The following MLIP variants were observed in gnomAD, a reference collection of about 807,000 sequenced individuals.
The protein encoded by MLIP is muscular LMNA-interacting protein.
In MLIP, 79 loss-of-function variants were observed where a neutral mutation model predicts 84.8. The ratio of observed to expected loss-of-function variants is 0.93; its 90% CI spans 0.78 to 1.12. The LOEUF is 1.12. MLIP is among the 50% of genes most tolerant of loss of function. The probability of loss-of-function intolerance (pLI) is 0.00; values close to 1 mark genes in which losing one functional copy is unlikely to be tolerated. For missense variants in MLIP, 1,257 were observed against 1,160.6 expected, an observed-to-expected ratio of 1.08 and a Z score of -1.21; for synonymous variants, 504 against 463.0, an observed-to-expected ratio of 1.09 and a Z score of -1.14.
intron 11 of MLIP, among the ~76,000 whole-genome samples, chr6:54,226,238 T>TG (rs1166458952): frequency 6.6e-6 from 1 of 152,220 alleles, no homozygotes; most frequent in Non-Finnish European, 1.5e-5. Context: ...ATTTCTGGCC[T>TG]GGGGCCTCCT....
intron 1 of MLIP, among the ~76,000 whole-genome samples, chr6:54,091,408 T>C (rs542203208): frequency 1.3e-5 from 2 of 152,298 alleles, no homozygotes; most frequent in South Asian, 4.1e-4. Context: ...TCTTTTCCTA[T>C]TGAGTTATCA....
chr6:54,023,100 G>A (rs922109192), intron 1 of MLIP, among the ~76,000 whole-genome samples: 4 of 151,880 alleles, frequency 2.6e-5, no homozygotes, highest in Non-Finnish European at 5.9e-5. Context: ...CCGGGAGGCA[G>A]AGCTTGCAGT....
At chr6:54,262,657 A>G (rs981907134) in intron 13 of MLIP, among the ~76,000 whole-genome samples, 10 of 152,170 alleles carry the variant, frequency 6.6e-5, no homozygotes, top group Admixed American at 1.3e-4. Context: ...TTTAAAGGAC[A>G]TGGTTCTCAA....
Position 54,098,146 on chromosome 6 carries a change from TTC to T in MLIP, c.64-23299_64-23298del, listed in dbSNP as rs1386294822. Reference sequence around the variant, plus strand: ...AATGTTAAGTCTTGGGGATTTTTCTTTCTTTTTTTTTTTTTTTTTTTTTGTTA... The same window carrying T: ...AATGTTAAGTCTTGGGGATTTTTCTTTTTTTTTTTTTTTTTTTTTTTGTTA... On this transcript the variant is annotated intron_variant, in intron 1 of 12. Coordinates refer to the MLIP transcript ENST00000274897. Among the ~76,000 whole-genome samples the T allele has an allele frequency of 4.0e-4, 26 of 65,694 alleles. 1 individual carries two copies. The highest frequency in any genetic ancestry group is 1.1e-3 in the African/African-American group (25 of 22,780). The allele number at this position is 65,694 out of a possible 152,430, so 43.1% of individuals were successfully genotyped here. A position where few individuals can be genotyped will look rare whatever the true frequency, so the allele number is the denominator to read the frequency against.
rs575513942 is a variant in MLIP, at chr6:54,066,884, A to C, written c.63+47793A>C. 1.0e-4 allele frequency among the ~76,000 whole-genome samples: 10 copies of C among 99,866 alleles called. 4 individuals are homozygous for C. The South Asian group carries it at 2.1e-3, about 21-fold the overall frequency. 65.5% of individuals were successfully genotyped at this position (99,866 alleles called of 152,430 possible). On this transcript the variant is annotated intron_variant, in intron 1 of 12. Transcript: ENST00000274897. ...ACTAGGAAGTGATGTTTTATCCAAAAAAAATGGGAGTCAATTAAAAAAAGA... is the reference window on the plus strand; with the variant it reads ...ACTAGGAAGTGATGTTTTATCCAAACAAAATGGGAGTCAATTAAAAAAAGA...
intron 1 of MLIP, among the ~76,000 whole-genome samples, chr6:54,085,353 T>G (rs1379918051): frequency 6.6e-6 from 1 of 152,016 alleles, no homozygotes; most frequent in East Asian, 1.9e-4. Flanking sequence ...TTGGGGGAGG[T>G]TAGTGAACCA....
chr6:54,037,922 T>G (rs751603129), intron 1 of MLIP, among the ~76,000 whole-genome samples: 1 of 151,972 alleles, frequency 6.6e-6, no homozygotes, highest in Non-Finnish European at 1.5e-5. Flanking sequence ...AATCTCAGTA[T>G]TGTTAATAAT....
At chr6:54,115,176 G>T (rs1374758783) in intron 1 of MLIP, among the ~76,000 whole-genome samples, 1 of 152,150 alleles carries the variant, frequency 6.6e-6, no homozygotes. Context: ...AGATCAGTAG[G>T]TGTGGTTGTG....
exon 1 of MLIP, chr6:54,019,010 T>A: frequency 1.3e-6 from 2 of 1,596,556 alleles, no homozygotes; most frequent in Non-Finnish European, 1.7e-6. Context: ...TCTTTCTCTC[T>A]TTCTCATTCT....
chr6:54,121,068 T>G (rs1469164780), intron 1 of MLIP, among the ~76,000 whole-genome samples: 3 of 152,168 alleles, frequency 2.0e-5, no homozygotes, highest in Non-Finnish European at 4.4e-5. Context: ...GTTAATAAAT[T>G]GAACCGGCTA....
At chr6:54,108,509 A>G (rs1769184852), upstream of MLIP, among the ~76,000 whole-genome samples, 1 of 152,218 alleles carries the variant, frequency 6.6e-6, no homozygotes, top group African/African-American at 2.4e-5. Context: ...TGTAGTTACT[A>G]TCCAGATGGC....
Position 54,124,756 on chromosome 6 carries a change from C to T in MLIP, c.536C>T (p.Ser179Phe). ...CGGCCCAAGTCTCTAGCTATCTCGT[C>T]CAGTCTGGTCTCTGATGTAGTGCGT... ...AVRPKSLAISSSLVSDVVRPK... is the reference protein window; with the variant it reads ...AVRPKSLAISFSLVSDVVRPK... The change falls in exon 3 of 14, where the codon TCC becomes TTC. Residue 179 changes from serine (S) to phenylalanine (F), a missense_variant. Coordinates refer to ENST00000502396, the MANE Select transcript of MLIP (RefSeq NM_001281747.2). 1 of 1,614,184 alleles carries T rather than the reference C, an allele frequency of 6.2e-7. No homozygotes were observed. The highest frequency in any genetic ancestry group is 8.5e-7 in the Non-Finnish European group (1 of 1,180,030).
chr6:54,098,306 C>T (rs1768373661), intron 1 of MLIP, among the ~76,000 whole-genome samples: 1 of 148,972 alleles, frequency 6.7e-6, no homozygotes, highest in Admixed American at 6.8e-5. Context: ...ATGTGCATAT[C>T]ATGCCAGGCT....
At chr6:54,029,772 C>T (rs554602242) in intron 1 of MLIP, among the ~76,000 whole-genome samples, 81 of 151,982 alleles carry the variant, frequency 5.3e-4, no homozygotes, top group Admixed American at 1.6e-3. Flanking sequence ...GCTTGTATAA[C>T]GGGTTATAAT....
At chr6:54,021,871 A>C (rs1763516852) in intron 1 of MLIP, among the ~76,000 whole-genome samples, 1 of 152,220 alleles carries the variant, frequency 6.6e-6, no homozygotes, top group African/African-American at 2.4e-5. Flanking sequence ...AAGAAAAATC[A>C]ATTAACATGG....
At chr6:54,229,728 C>T (rs1186130523) in intron 11 of MLIP, among the ~76,000 whole-genome samples, 2 of 152,142 alleles carry the variant, frequency 1.3e-5, no homozygotes, top group African/African-American at 4.8e-5. Flanking sequence ...ACATAGTATT[C>T]CATGGTGTAT....
At chr6:54,136,372 C>G (rs537571763) in intron 3 of MLIP, among the ~76,000 whole-genome samples, 1 of 152,114 alleles carries the variant, frequency 6.6e-6, no homozygotes, top group African/African-American at 2.4e-5. Flanking sequence ...GCAATTTATA[C>G]TGATGGTGAT....
At chr6:54,189,444 T>C (rs1166262145) in intron 9 of MLIP, among the ~76,000 whole-genome samples, 1 of 152,198 alleles carries the variant, frequency 6.6e-6, no homozygotes, top group Non-Finnish European at 1.5e-5. Context: ...TATATAACAA[T>C]ACTTTAAAGA....
At chr6:54,180,049 A>G (rs1216403469) in intron 9 of MLIP, among the ~76,000 whole-genome samples, 1 of 152,062 alleles carries the variant, frequency 6.6e-6, no homozygotes, top group Non-Finnish European at 1.5e-5. Context: ...TCATGCTTGG[A>G]GGATATTTTC....
Sources: gnomAD v4.1 joint callset for allele counts (sites outside exome capture counted in the v4.1 genomes callset) on GRCh38, gnomAD v4.1.1 for gene constraint, MANE v1.5 for transcripts, NCBI Gene and HGNC (gene_info 2026-07-23, HGNC 2026-07-21) for gene names.